The following RBMXL1 variants were observed in gnomAD, a reference collection of about 807,000 sequenced individuals.
The protein encoded by RBMXL1 is RBMX like 1.
RBMXL1 carries 18 observed loss-of-function variants against 29.0 expected under a neutral mutation model. The ratio of observed to expected loss-of-function variants is 0.62; its 90% confidence interval spans 0.43 to 0.92. The LOEUF (loss-of-function observed/expected upper bound fraction) is 0.92, where lower values mean the gene tolerates loss of function less well. Ranked by LOEUF, RBMXL1 falls within the 40% of genes least tolerant of loss-of-function variation. The pLI, the probability that RBMXL1 is intolerant of heterozygous loss-of-function variation, is 0.00. For synonymous variants in RBMXL1, 141 were observed against 170.4 expected (o/e 0.83, Z 1.34); for missense variants, 403 against 495.8 (o/e 0.81, Z 1.78).
rs139883421 is a variant in RBMXL1, at chr1:88,983,662, G to T, written c.165C>A (p.Thr55=). Residue 55 remains threonine (T), a synonymous_variant, in exon 3 of 3, where the codon ACC becomes ACA. Coordinates refer to ENST00000652648, the MANE Select transcript of RBMXL1 (RefSeq NM_001162536.3). ...CCTTAGCGTCTGCTGGGCTTTCAAA[G>T]GTGACAAAAGCAAATCCTCTTGATT... The part of the protein sequence containing the change: ...TNKSRGFAFV[T]FESPADAKDA... 6.2e-7 allele frequency: 1 copy of T among 1,613,804 alleles called. No homozygotes were observed.
rs1677075716 is a variant in RBMXL1, at chr1:88,981,293, A to G, written c.*1361T>C. 1 of 152,230 alleles carries G rather than the reference A, an allele frequency of 6.6e-6. No individual in the cohort carries two copies. The highest frequency in any genetic ancestry group is 6.5e-5 in the Admixed American group (1 of 15,286). The allele number at this position is 152,230 out of a possible 1,614,324, so 9.4% of individuals were successfully genotyped here. On this transcript the variant is annotated 3_prime_UTR_variant, in exon 3 of 3. Transcript: ENST00000652648. Reference sequence around the variant, plus strand: ...TCACTTACTGACAAGACACTTCACCAGATAGAGCTACCACTTATATCCATC... The same window carrying G: ...TCACTTACTGACAAGACACTTCACCGGATAGAGCTACCACTTATATCCATC...
At chr1:88,984,363 C>T (rs1282521948) in intron 2 of RBMXL1, among the ~76,000 whole-genome samples, 4 of 151,680 alleles carry the variant, frequency 2.6e-5, no homozygotes, top group Non-Finnish European at 5.9e-5. Context: ...TACCGGCATG[C>T]GCCACCACAC....
intron 1 of RBMXL1, among the ~76,000 whole-genome samples, chr1:88,989,954 C>T (rs1443598217): frequency 6.6e-6 from 1 of 152,206 alleles, no homozygotes; most frequent in Non-Finnish European, 1.5e-5. Context: ...ACCCCCAACA[C>T]TGCAGCATTT....
At position 88,986,601 on chromosome 1, in the gene RBMXL1, C is replaced by T. The variant is rs567963646; in HGVS notation, c.-241+1651G>A. Among the ~76,000 whole-genome samples, 236 of 152,122 alleles carry T rather than the reference C, an allele frequency of 1.6e-3. 1 individual carries two copies. The highest frequency in any genetic ancestry group is 1.5e-3 in the Non-Finnish European group (103 of 67,976). ...GCCACTGCGCCCCGCCTACATTTTT[C>T]CTTTAGCATTCAAAACATTCTTTAA... On this transcript the variant is annotated intron_variant, in intron 2 of 2. Coordinates refer to ENST00000652648, the MANE Select transcript of RBMXL1 (RefSeq NM_001162536.3).
Position 88,982,688 on chromosome 1 carries a change from C to T in RBMXL1, c.1139G>A (p.Arg380Gln), listed in dbSNP as rs1677158084. The T allele has an allele frequency of 6.2e-7, 1 of 1,613,422 alleles. No individual in the cohort carries two copies. The highest frequency in any genetic ancestry group is 8.5e-7 in the Non-Finnish European group (1 of 1,179,596). Residue 380 changes from arginine to glutamine, a missense_variant, in exon 3 of 3, where the codon CGA becomes CAA. Coordinates refer to ENST00000652648, the MANE Select transcript of RBMXL1 (RefSeq NM_001162536.3). ...GCTTCTGCCTCCCCCTCTATCAGAT[C>T]GGCTTCCTCCAGGGCCAGCACCTCT... ...APRGAGPGGS[R>Q]SDRGGGRSRY is the part of the protein sequence containing the mutation.
intron 2 of RBMXL1, among the ~76,000 whole-genome samples, chr1:88,986,377 G>A (rs1384243367): frequency 2.6e-5 from 4 of 151,672 alleles, no homozygotes; most frequent in East Asian, 2.0e-4. Flanking sequence ...TGTAATCCCA[G>A]CACTTTGGGA....
chr1:88,990,570 C>T (rs1677731681), intron 1 of RBMXL1, among the ~76,000 whole-genome samples: 1 of 152,206 alleles, frequency 6.6e-6, no homozygotes, highest in Admixed American at 6.5e-5. Context: ...TGGCTTTTGA[C>T]ATCTTACAAT....
intron 1 of RBMXL1, among the ~76,000 whole-genome samples, chr1:88,991,879 ACT>A (rs1677817264): frequency 6.6e-6 from 1 of 152,186 alleles, no homozygotes; most frequent in East Asian, 1.9e-4. Context: ...TTTCTGCGCC[ACT>A]CGACTCCAAA....
rs781647818 is a variant in RBMXL1, at chr1:88,983,391, G to C, written c.436C>G (p.Pro146Ala). The C allele has an allele frequency of 2.2e-5, 36 of 1,614,062 alleles. 1 individual carries two copies. In the South Asian group the frequency reaches 3.8e-4, roughly 17 times the overall value. The stretch of plus-strand genomic sequence containing the variant: ...GGTGGTCCTCTTTTTACTGGGAGTG[G>C]TCCCCTGGAAGAACTCATGTTAAAA... ...MNFNMSSSRG[P>A]LPVKRGPPPR... Residue 146 changes from proline (P) to alanine (A), a missense_variant, in exon 3 of 3, where the codon CCA becomes GCA. Transcript: ENST00000652648.
chr1:88,988,429 G>GT, intron 1 of RBMXL1, 78 bp from the exon 2 acceptor site: 1 of 785,476 alleles, frequency 1.3e-6, no homozygotes, highest in Non-Finnish European at 2.1e-6. Flanking sequence ...ACAGCTAGCT[G>GT]ATGTATCATA....
In RBMXL1 at chr1:88,982,796, T is replaced by G. The variant is rs1570838725; in HGVS notation, c.1031A>C (p.Gln344Pro). Residue 344 changes from glutamine to proline, a missense_variant, in exon 3 of 3, where the codon CAA becomes CCA. Physicochemically the swap from Gln to Pro is moderately conservative, Grantham distance 76 (BLOSUM62 -1). Coordinates refer to ENST00000652648, the MANE Select transcript of RBMXL1 (RefSeq NM_001162536.3). Reference sequence around the variant, plus strand: ...TACAGAAGGGGGAAGCCCTCTTTCTTGTCTGCCAACCCTGTCACAACTTGA... The same window carrying G: ...TACAGAAGGGGGAAGCCCTCTTTCTGGTCTGCCAACCCTGTCACAACTTGA... ...LYSSCDRVGR[Q>P]ERGLPPSVER... 2.5e-6 allele frequency: 4 copies of G among 1,614,004 alleles called. No homozygotes were observed. The East Asian group carries it at 6.7e-5, about 27-fold the overall frequency.
intron 1 of RBMXL1, among the ~76,000 whole-genome samples, chr1:88,992,007 C>T (rs6660894): frequency 0.2 from 28,026 of 142,226 alleles, 3,261 homozygotes; most frequent in East Asian, 0.38. Context: ...GAGACGGAGT[C>T]TTGCTCTGTC....
chr1:88,988,234 T>C lies in RBMXL1; in HGVS notation c.-241+18A>G, dbSNP rs746086566. On this transcript the variant is annotated intron_variant, in intron 2 of 2. Coordinates refer to ENST00000652648, the MANE Select transcript of RBMXL1 (RefSeq NM_001162536.3). ...CAGAATATGTACAATAATTTATCTG[T>C]AAGTAAGCAATACCTACAGCAGAAG... is the stretch of plus-strand genomic sequence containing the variant. 20 of 1,542,508 alleles carry C rather than the reference T, an allele frequency of 1.3e-5. No homozygotes were observed. The highest frequency in any genetic ancestry group is 1.7e-5 in the Non-Finnish European group (19 of 1,118,480).
At position 88,985,218 on chromosome 1, in the gene RBMXL1, G is replaced by A. The variant is rs951259988; in HGVS notation, c.-240-1152C>T. On this transcript the variant is annotated intron_variant, in intron 2 of 2. Coordinates refer to ENST00000652648, the MANE Select transcript of RBMXL1 (RefSeq NM_001162536.3). ...GGGTTCAAGCCAAGACCTTGGAAGA[G>A]TGAGTAAGTGAAGGGAGTGCGTGAG... Among the ~76,000 whole-genome samples, 6 of 152,334 alleles carry A rather than the reference G, an allele frequency of 3.9e-5. No individual in the cohort carries two copies. In the East Asian group the frequency reaches 9.6e-4, roughly 24 times the overall value.
chr1:88,982,998 T>C lies in RBMXL1; in HGVS notation c.829A>G (p.Ser277Gly), dbSNP rs1270046034. 1.2e-6 allele frequency: 2 copies of C among 1,613,314 alleles called. No individual in the cohort carries two copies. Among genetic ancestry groups the C allele is most frequent in the Admixed American group, 1.7e-5 (1 of 60,030 alleles). ...TATGAATCTCTGTAGGAACCTCCAC[T>C]TGGATGATCTGAATAGTCACGATCA... ...GRDRDYSDHP[S>G]GGSYRDSYES... Residue 277 changes from serine (S) to glycine (G), a missense_variant, in exon 3 of 3, where the codon AGT (serine) becomes GGT (glycine). By Grantham distance (56) the Ser-to-Gly change is moderately conservative (BLOSUM62 0). Coordinates refer to ENST00000652648, the MANE Select transcript of RBMXL1 (RefSeq NM_001162536.3).
In RBMXL1 at chr1:88,983,273, C is replaced by T. The variant is rs753907563; in HGVS notation, c.554G>A (p.Arg185His). 9.3e-6 allele frequency: 15 copies of T among 1,613,666 alleles called. No individual in the cohort carries two copies. Among genetic ancestry groups the T allele is most frequent in the South Asian group, 7.7e-5 (7 of 91,078 alleles). The change falls in exon 3 of 3, where the codon CGT becomes CAT. Residue 185 changes from arginine to histidine, a missense_variant. Coordinates refer to ENST00000652648, the MANE Select transcript of RBMXL1 (RefSeq NM_001162536.3). Reference sequence around the variant, plus strand: ...TGGACCTCCATAACTATCTCTTCCACGTGATAGAGGAGCTCTTCCTCCCAT... The same window carrying T: ...TGGACCTCCATAACTATCTCTTCCATGTGATAGAGGAGCTCTTCCTCCCAT... ...SGMGGRAPLSRGRDSYGGPPR... is the reference protein window; with the variant it reads ...SGMGGRAPLSHGRDSYGGPPR...
chr1:88,984,993 T>C (rs955858022), intron 2 of RBMXL1, among the ~76,000 whole-genome samples: 6 of 152,282 alleles, frequency 3.9e-5, no homozygotes, highest in African/African-American at 1.4e-4. Flanking sequence ...CATGTTCATT[T>C]TTATATTTGT....
At chr1:88,990,770 C>T (rs996557072) in intron 1 of RBMXL1, among the ~76,000 whole-genome samples, 2 of 152,152 alleles carry the variant, frequency 1.3e-5, no homozygotes, top group African/African-American at 4.8e-5. Context: ...AAAATGCAGA[C>T]TCAGAACCTT....
intron 1 of RBMXL1, among the ~76,000 whole-genome samples, chr1:88,991,186 T>C (rs1677774560): frequency 6.6e-6 from 1 of 152,140 alleles, no homozygotes; most frequent in Non-Finnish European, 1.5e-5. Flanking sequence ...GGCCCGAAGC[T>C]GAGAAAGCTG....
Sources: gnomAD v4.1 joint callset for allele counts (sites outside exome capture counted in the v4.1 genomes callset) on GRCh38, gnomAD v4.1.1 for gene constraint, MANE v1.5 for transcripts, NCBI Gene and HGNC (gene_info 2026-07-23, HGNC 2026-07-21) for gene names.